The following ZNF208 variants were observed in gnomAD, a reference collection of about 807,000 sequenced individuals.
ZNF208 encodes zinc finger protein 208.
A neutral mutation model predicts 12.1 loss-of-function variants in ZNF208; 10 were observed. The ratio of observed to expected loss-of-function variants is 0.83; its 90% confidence interval spans 0.51 to 1.40. ZNF208 has a LOEUF of 1.40. ZNF208 is among the 40% of genes most tolerant of loss of function. The pLI, the probability that ZNF208 is intolerant of heterozygous loss-of-function variation, is 0.00. For synonymous variants in ZNF208, 497 were observed against 488.4 expected, an observed-to-expected ratio of 1.02 and a Z score of -0.23; for missense variants, 1,652 against 1,485.0, an observed-to-expected ratio of 1.11 and a Z score of -1.85.
rs1255277114 is a variant in ZNF208, at chr19:21,974,083, T to C, written c.951A>G (p.Glu317=). 1.3e-6 allele frequency: 2 copies of C among 1,538,580 alleles called. No individual in the cohort carries two copies. Among genetic ancestry groups the C allele is most frequent in the Admixed American group, 3.6e-5 (2 of 54,998 alleles). ...HAGEKPYKCK[E]CGKAFSKVST... Reference sequence around the variant, plus strand: ...AGACCTTACTGAAGGCTTTGCCACATTCTTTACATTTGTAGGGCTTCTCTC... The same window carrying C: ...AGACCTTACTGAAGGCTTTGCCACACTCTTTACATTTGTAGGGCTTCTCTC... Residue 317 remains glutamate (E), a synonymous_variant, in exon 4 of 4, where the codon GAA becomes GAG. Coordinates refer to ENST00000397126, the MANE Select transcript of ZNF208 (RefSeq NM_007153.3).
chr19:21,973,011 T>G lies in ZNF208; in HGVS notation c.2023A>C (p.Ser675Arg). The G allele has an allele frequency of 6.2e-7, 1 of 1,613,580 alleles. No homozygotes were observed. Among genetic ancestry groups the G allele is most frequent in the South Asian group, 1.1e-5 (1 of 91,018 alleles). The change falls in exon 4 of 4, where the codon AGT becomes CGT. Residue 675 changes from serine to arginine, a missense_variant. This residue lies in a region of ZNF208 where 1,239 missense variants were observed against 1,086.2 expected (regional missense o/e 1.14). Transcript: ENST00000397126. ...TGTTTAGTAAGGATTGAGAACTTAC[T>G]AAAGGCTTTGCCACATTCTTTACAT... ...YKCKECGKAFSKFSILTKHKV... is the reference protein window; with the variant it reads ...YKCKECGKAFRKFSILTKHKV...
rs757331665 is a variant in ZNF208 at position 21,973,317 on chromosome 19, T to G, written c.1717A>C (p.Lys573Gln). Residue 573 changes from lysine (K) to glutamine (Q), a missense_variant, in exon 4 of 4, where the codon AAA (lysine) becomes CAA (glutamine). Physicochemically the swap from Lys to Gln is moderately conservative, Grantham distance 53. Coordinates refer to ENST00000397126, the MANE Select transcript of ZNF208 (RefSeq NM_007153.3). ...KWSSTLSYHKKIHTVEKPYKC... is the reference protein window; with the variant it reads ...KWSSTLSYHKQIHTVEKPYKC... ...TAGGGTTTCTCTACAGTATGAATTT[T>G]CTTATGATAACTAAGGGTTGAGGAC... 6.2e-7 allele frequency: 1 copy of G among 1,608,774 alleles called. No individual in the cohort carries two copies. The highest frequency in any genetic ancestry group is 1.7e-5 in the Admixed American group (1 of 59,676).
In ZNF208 at chr19:21,973,754, C is replaced by T. The variant is rs563727398; in HGVS notation, c.1280G>A (p.Cys427Tyr). 2.7e-5 allele frequency: 43 copies of T among 1,606,152 alleles called. No individual in the cohort carries two copies. The East Asian group carries it at 9.0e-4, about 33-fold the overall frequency. Residue 427 changes from cysteine (C) to tyrosine (Y), a missense_variant, in exon 4 of 4, where the codon TGT becomes TAT. Cys to Tyr is a radical substitution (Grantham distance 194). Transcript: ENST00000397126. ...GTTGAAAGCTTTGCCACATTCTTCA[C>T]ATTTGTAGGGTTTCTCTCCAGTATG... ...VIHTGEKPYK[C>Y]EECGKAFNWS...
At chr19:21,952,428 G>T (rs566931682) in intron 4 of ZNF208, among the ~76,000 whole-genome samples, 22 of 152,304 alleles carry the variant, frequency 1.4e-4, no homozygotes, top group Non-Finnish European at 2.8e-4. Context: ...ATAGGTGGGT[G>T]CCCCTCTGGG....
At chr19:21,990,984 A>C (rs1198009533) in intron 1 of ZNF208, among the ~76,000 whole-genome samples, 7 of 152,216 alleles carry the variant, frequency 4.6e-5, no homozygotes, top group Non-Finnish European at 7.3e-5. Context: ...GAAGTTGCTT[A>C]TCAGCTTAAG....
chr19:21,984,958 C>A (rs1252242959), intron 3 of ZNF208, among the ~76,000 whole-genome samples: 1 of 152,102 alleles, frequency 6.6e-6, no homozygotes, highest in Non-Finnish European at 1.5e-5. Context: ...GAGTCATTTA[C>A]ATAGCAATAA....
intron 3 of ZNF208, among the ~76,000 whole-genome samples, chr19:21,984,603 A>G (rs1970602503): frequency 1.3e-5 from 2 of 152,138 alleles, no homozygotes; most frequent in South Asian, 4.1e-4. Flanking sequence ...GAATTTAACA[A>G]AACACTCGAG....
intron 1 of ZNF208, among the ~76,000 whole-genome samples, chr19:21,994,949 C>CTTT (rs376025647): frequency 7.8e-5 from 3 of 38,218 alleles, no homozygotes; most frequent in African/African-American, 3.2e-4. Context: ...ATCTGTTTTT[C>CTTT]TTTTCTTTTT....
intron 3 of ZNF208, among the ~76,000 whole-genome samples, chr19:21,983,889 T>C (rs1970589196): frequency 6.6e-6 from 1 of 151,896 alleles, no homozygotes; most frequent in African/African-American, 2.4e-5. Flanking sequence ...TTAGGAGAAA[T>C]ACCTAATGTA....
intron 1 of ZNF208, among the ~76,000 whole-genome samples, chr19:22,006,801 G>A (rs1456257271): frequency 4.6e-5 from 7 of 152,320 alleles, no homozygotes; most frequent in Non-Finnish European, 1.0e-4. Context: ...TTCAAAAACA[G>A]TGTTCATATA....
intron 4 of ZNF208, among the ~76,000 whole-genome samples, chr19:21,948,227 A>C (rs566093697): frequency 6.6e-6 from 1 of 152,288 alleles, no homozygotes; most frequent in Admixed American, 6.5e-5. Context: ...CTAAAGAAAA[A>C]ATGGCTTATA....
At position 21,987,239 on chromosome 19, in the gene ZNF208, T is replaced by G; in HGVS notation, c.203A>C (p.His68Pro). Residue 68 changes from histidine to proline, a missense_variant, in exon 3 of 4, where the codon CAT (histidine) becomes CCT (proline). Coordinates refer to ENST00000397126, the MANE Select transcript of ZNF208 (RefSeq NM_007153.3). ...ACCTGGGGATTCTTCCACCATCTCA[T>G]GTCTCTTCATATTCCAGGACTCTTT... ...EGKESWNMKR[H>P]EMVEESPVIC... The G allele has an allele frequency of 1.2e-6, 2 of 1,612,738 alleles. No homozygotes were observed. The highest frequency in any genetic ancestry group is 8.5e-7 in the Non-Finnish European group (1 of 1,179,444).
intron 1 of ZNF208, among the ~76,000 whole-genome samples, chr19:21,995,936 T>C (rs1970828841): frequency 6.6e-6 from 1 of 152,188 alleles, no homozygotes; most frequent in Non-Finnish European, 1.5e-5. Context: ...ATGCCTCCTG[T>C]TGGTTTTCTG....
chr19:21,947,594 A>G (rs1969833595), intron 4 of ZNF208, among the ~76,000 whole-genome samples: 2 of 152,184 alleles, frequency 1.3e-5, no homozygotes, highest in Admixed American at 6.5e-5. Flanking sequence ...CTATTTCTAA[A>G]CAGAAAAACT....
chr19:21,955,889 T>A (rs560874463), intron 4 of ZNF208, among the ~76,000 whole-genome samples: 2 of 152,362 alleles, frequency 1.3e-5, no homozygotes, highest in Non-Finnish European at 2.9e-5. Context: ...AGGAACTGCA[T>A]TCCTTTGGAG....
chr19:21,966,083 T>C (rs1156498434), downstream of ZNF208: 13 of 150,288 alleles, frequency 8.7e-5, no homozygotes, highest in South Asian at 6.2e-4. Flanking sequence ...ACTGGAAAAA[T>C]AGAACATGTC....
chr19:21,945,759 G>A (rs1002302231), intron 4 of ZNF208, among the ~76,000 whole-genome samples: 1 of 152,152 alleles, frequency 6.6e-6, no homozygotes, highest in Non-Finnish European at 1.5e-5. Context: ...ACTAAAGCAT[G>A]TTTTCAATGT....
Position 21,973,770 on chromosome 19 carries a change from C to A in ZNF208, c.1264G>T (p.Glu422Ter), listed in dbSNP as rs1304666335. Reference sequence around the variant, plus strand: ...CATTCTTCACATTTGTAGGGTTTCTCTCCAGTATGAATGACCTCATGTTTA... The same window carrying A: ...CATTCTTCACATTTGTAGGGTTTCTATCCAGTATGAATGACCTCATGTTTA... ...LTKHEVIHTG[E>*]KPYKCEECGK... Residue 422 changes from glutamate to a stop codon, truncating the protein, a stop_gained, in exon 4 of 4, where the codon GAG becomes TAG. Coordinates refer to ENST00000397126, the MANE Select transcript of ZNF208 (RefSeq NM_007153.3). LOFTEE classifies it low-confidence loss of function (END_TRUNC). The A allele has an allele frequency of 2.8e-5, 45 of 1,605,980 alleles. No individual in the cohort carries two copies. Among genetic ancestry groups the A allele is most frequent in the Non-Finnish European group, 3.8e-5 (45 of 1,173,698 alleles).
chr19:22,001,111 C>A (rs1970938500), intron 1 of ZNF208, among the ~76,000 whole-genome samples: 1 of 152,000 alleles, frequency 6.6e-6, no homozygotes, highest in Non-Finnish European at 1.5e-5. Context: ...CCTGGGGAAA[C>A]CCCGTCACTA....
Sources: gnomAD v4.1 joint callset for allele counts (sites outside exome capture counted in the v4.1 genomes callset) on GRCh38, gnomAD v4.1.1 for gene constraint, gnomAD v4.1.1 regional missense constraint, MANE v1.5 for transcripts, NCBI Gene and HGNC (gene_info 2026-07-23, HGNC 2026-07-21) for gene names.